SAMMSON: variants seen among roughly 807,000 people sequenced by gnomAD.
The protein encoded by SAMMSON is survival associated mitochondrial melanoma specific oncogenic non-coding RNA, also known as long intergenic non-protein coding RNA 1212.
At chr3:70,323,031 G>A (rs1702549458) in intron 7 of SAMMSON, among the ~76,000 whole-genome samples, 1 of 151,980 alleles carries the variant, frequency 6.6e-6, no homozygotes. Context: ...TTTGGGGGAA[G>A]GATAAGTGGA....
chr3:70,125,092 A>T (rs1356303437), intron 4 of SAMMSON: 1 of 989,778 alleles, frequency 1.0e-6, no homozygotes, highest in African/African-American at 1.6e-5. Context: ...CTTCCTTAGG[A>T]TCTGGTTTTT....
chr3:70,278,965 T>TCA (rs1282011791), intron 6 of SAMMSON, among the ~76,000 whole-genome samples: 2 of 151,472 alleles, frequency 1.3e-5, no homozygotes, highest in African/African-American at 2.4e-5. Flanking sequence ...GTCTGGGTGG[T>TCA]CAAGGAAAAC....
intron 7 of SAMMSON, among the ~76,000 whole-genome samples, chr3:70,321,300 A>G (rs1464583712): frequency 2.6e-5 from 4 of 152,118 alleles, no homozygotes; most frequent in African/African-American, 4.8e-5. Flanking sequence ...GTCTTTTCCT[A>G]TGAATTCAAT....
chr3:70,125,759 C>T (rs145131162), intron 4 of SAMMSON: 1 of 661,392 alleles, frequency 1.5e-6, no homozygotes, highest in Non-Finnish European at 2.7e-6. Flanking sequence ...TTCAACATAT[C>T]CTTTATTTTT....
At chr3:70,327,779 C>T (rs1559564708) in intron 7 of SAMMSON, among the ~76,000 whole-genome samples, 1 of 152,046 alleles carries the variant, frequency 6.6e-6, no homozygotes, top group South Asian at 2.1e-4. Context: ...TCAGCCTAAT[C>T]GAGCTTGGAA....
chr3:70,118,429 A>C (rs1404006846), intron 4 of SAMMSON, among the ~76,000 whole-genome samples: 1 of 152,070 alleles, frequency 6.6e-6, no homozygotes, highest in East Asian at 1.9e-4. Flanking sequence ...TTTTTCCCCC[A>C]ACCTTTTATT....
At chr3:70,132,393 T>C (rs73108022) in intron 4 of SAMMSON, among the ~76,000 whole-genome samples, 39,015 of 152,090 alleles carry the variant, frequency 0.26, 5,242 homozygotes, top group East Asian at 0.52. Flanking sequence ...AAAGTGAACA[T>C]GAGGTACATG....
At chr3:70,372,057 TC>T (rs1330609262) in intron 9 of SAMMSON, among the ~76,000 whole-genome samples, 1 of 152,186 alleles carries the variant, frequency 6.6e-6, no homozygotes, top group African/African-American at 2.4e-5. Flanking sequence ...GTGTTGCATT[TC>T]ATAAAATGCT....
At chr3:70,322,283 C>G (rs1230448380) in intron 7 of SAMMSON, among the ~76,000 whole-genome samples, 3 of 152,084 alleles carry the variant, frequency 2.0e-5, no homozygotes, top group Non-Finnish European at 4.4e-5. Flanking sequence ...TCCTCTTTAA[C>G]CAATACAATA....
chr3:70,074,549 G>C (rs1004247510), intron 4 of SAMMSON, among the ~76,000 whole-genome samples: 30 of 152,060 alleles, frequency 2.0e-4, no homozygotes, highest in African/African-American at 6.8e-4. Context: ...TATATAATTT[G>C]ATAGCACTAA....
intron 4 of SAMMSON, among the ~76,000 whole-genome samples, chr3:70,096,558 T>G (rs576239441): frequency 6.6e-6 from 1 of 152,070 alleles, no homozygotes; most frequent in African/African-American, 2.4e-5. Context: ...AGAGAGAGTC[T>G]GCTAACAAGA....
At chr3:70,281,391 T>C (rs1356518837) in intron 6 of SAMMSON, among the ~76,000 whole-genome samples, 1 of 152,162 alleles carries the variant, frequency 6.6e-6, no homozygotes, top group East Asian at 1.9e-4. Flanking sequence ...GATCATAAGC[T>C]TCAGAATTAA....
At chr3:70,067,776 A>C (rs1456083887) in intron 3 of SAMMSON, among the ~76,000 whole-genome samples, 1 of 152,124 alleles carries the variant, frequency 6.6e-6, no homozygotes, top group South Asian at 2.1e-4. Context: ...AAGAATTTTC[A>C]TGCCAGAGGT....
intron 4 of SAMMSON, among the ~76,000 whole-genome samples, chr3:70,156,303 A>AT (rs2067591611): frequency 6.6e-6 from 1 of 152,006 alleles, no homozygotes; most frequent in Admixed American, 6.6e-5. Flanking sequence ...TCACTGAAGT[A>AT]TTTTCATACT....
At chr3:70,064,698 G>A (rs2107592923) in intron 3 of SAMMSON, among the ~76,000 whole-genome samples, 2 of 152,242 alleles carry the variant, frequency 1.3e-5, no homozygotes, top group South Asian at 4.1e-4. Context: ...TGTAAGGAAG[G>A]CACAAAACAT....
intron 4 of SAMMSON, among the ~76,000 whole-genome samples, chr3:70,170,288 A>T (rs2106698803): frequency 6.6e-6 from 1 of 152,014 alleles, no homozygotes; most frequent in East Asian, 1.9e-4. Flanking sequence ...AAAATGAAAC[A>T]GGTACTTTTG....
intron 6 of SAMMSON, among the ~76,000 whole-genome samples, chr3:70,281,450 G>T (rs1418922707): frequency 1.3e-5 from 2 of 152,214 alleles, no homozygotes; most frequent in East Asian, 3.9e-4. Flanking sequence ...GCAAGTAATC[G>T]TGAACAGGCC....
At chr3:70,083,414 T>C (rs542535516) in intron 4 of SAMMSON, among the ~76,000 whole-genome samples, 30 of 152,308 alleles carry the variant, frequency 2.0e-4, no homozygotes, top group Non-Finnish European at 3.7e-4. Flanking sequence ...CACAGATTTC[T>C]ATGTCACCTC....
intron 8 of SAMMSON, among the ~76,000 whole-genome samples, chr3:70,357,084 T>C (rs1230376747): frequency 6.6e-6 from 1 of 152,092 alleles, no homozygotes; most frequent in Non-Finnish European, 1.5e-5. Flanking sequence ...GGGATGGTGG[T>C]GCTATTACAA....
Sources: gnomAD v4.1 joint callset for allele counts (sites outside exome capture counted in the v4.1 genomes callset) on GRCh38, gnomAD v4.1.1 for gene constraint, MANE v1.5 for transcripts, NCBI Gene and HGNC (gene_info 2026-07-23, HGNC 2026-07-21) for gene names.